The following ELAPOR2 variants were observed in gnomAD, a reference collection of about 807,000 sequenced individuals.
ELAPOR2 encodes endosome-lysosome associated apoptosis and autophagy regulator family member 2.
In ELAPOR2, 89 loss-of-function variants were observed where a neutral mutation model predicts 120.7. The observed-to-expected ratio is 0.74, with a 90% CI of 0.62 to 0.88. The LOEUF is 0.88. ELAPOR2 is among the 40% of genes least tolerant of loss of function. ELAPOR2 has a pLI of 0.00. For synonymous variants in ELAPOR2, 444 were observed against 444.9 expected, an observed-to-expected ratio of 1.00 and a Z score of 0.03; for missense variants, 1,134 against 1,251.6, an observed-to-expected ratio of 0.91 and a Z score of 1.42.
At chr7:87,020,361 G>A (rs1010570759) in intron 1 of ELAPOR2, among the ~76,000 whole-genome samples, 2 of 151,984 alleles carry the variant, frequency 1.3e-5, no homozygotes, top group Non-Finnish European at 1.5e-5. Context: ...CAGCCAAAAG[G>A]TGAAAAGGAC....
chr7:86,890,474 G>T (rs1015892547), intron 21 of ELAPOR2, among the ~76,000 whole-genome samples: 1 of 152,000 alleles, frequency 6.6e-6, no homozygotes, highest in Admixed American at 6.6e-5. Flanking sequence ...TCCCTTTCCT[G>T]TAATGCAACC....
At chr7:86,898,131 T>G (rs1225805314) in intron 18 of ELAPOR2, among the ~76,000 whole-genome samples, 1 of 152,112 alleles carries the variant, frequency 6.6e-6, no homozygotes, top group Non-Finnish European at 1.5e-5. Flanking sequence ...CAAAATGCAG[T>G]ATATCTGTAT....
chr7:86,952,528 C>A (rs1429472025), intron 2 of ELAPOR2, among the ~76,000 whole-genome samples: 1 of 152,198 alleles, frequency 6.6e-6, no homozygotes, highest in African/African-American at 2.4e-5. Context: ...TCATTCCTAT[C>A]CTGAACTGTT....
chr7:87,031,041 G>A (rs1257381608), intron 1 of ELAPOR2, among the ~76,000 whole-genome samples: 7 of 152,042 alleles, frequency 4.6e-5, no homozygotes, highest in Admixed American at 1.3e-4. Context: ...TCACTACCAC[G>A]AGAACAGTAT....
At chr7:86,909,101 G>A (rs1789171675) in intron 16 of ELAPOR2, among the ~76,000 whole-genome samples, 2 of 151,794 alleles carry the variant, frequency 1.3e-5, no homozygotes, top group Admixed American at 1.3e-4. Flanking sequence ...AGCAAACTTT[G>A]CTTCAGAGTT....
At chr7:87,020,763 C>T (rs1794012902) in intron 1 of ELAPOR2, among the ~76,000 whole-genome samples, 1 of 151,760 alleles carries the variant, frequency 6.6e-6, no homozygotes, top group African/African-American at 2.4e-5. Flanking sequence ...TGAATTTAGC[C>T]TTAATAATTT....
At chr7:87,038,685 G>T (rs1158534134) in intron 1 of ELAPOR2, among the ~76,000 whole-genome samples, 1 of 152,174 alleles carries the variant, frequency 6.6e-6, no homozygotes, top group East Asian at 1.9e-4. Context: ...GCTCCTGAAT[G>T]ACCAGTGGGT....
At position 86,942,104 on chromosome 7, in the gene ELAPOR2, T is replaced by A; in HGVS notation, c.655A>T (p.Ile219Phe). 1 of 1,538,028 alleles carries A rather than the reference T, an allele frequency of 6.5e-7. No homozygotes were observed. The change falls in exon 5 of 22, where the codon ATT becomes TTT. Residue 219 changes from isoleucine to phenylalanine, a missense_variant and splice_region_variant. Transcript: ENST00000450689. The stretch of plus-strand genomic sequence containing the variant: ...ATCTCCTGGCACTGATCATTTTGAA[T>A]CTGTGGATTAAACACAAGAGCCCTA... ...VDNNIFFEFFIQNDQCQEMDT... is the reference protein window; with the variant it reads ...VDNNIFFEFFFQNDQCQEMDT...
chr7:86,981,175 G>A (rs1767709), intron 1 of ELAPOR2, among the ~76,000 whole-genome samples: 57,572 of 151,992 alleles, frequency 0.38, 11,755 homozygotes, highest in African/African-American at 0.53. Flanking sequence ...TTCTGTTGTC[G>A]GTTCCCTTAA....
At chr7:87,025,145 T>C (rs1016537251) in intron 1 of ELAPOR2, among the ~76,000 whole-genome samples, 1 of 152,124 alleles carries the variant, frequency 6.6e-6, no homozygotes, top group Non-Finnish European at 1.5e-5. Context: ...TATTTCATGC[T>C]AAATGTCTAA....
chr7:87,016,967 GT>G (rs1377845304), intron 1 of ELAPOR2, among the ~76,000 whole-genome samples: 1 of 151,878 alleles, frequency 6.6e-6, no homozygotes, highest in Non-Finnish European at 1.5e-5. Context: ...TAGAAAACAA[GT>G]CTTTTAGATT....
At chr7:87,028,254 G>T (rs1476322513) in intron 1 of ELAPOR2, among the ~76,000 whole-genome samples, 1 of 151,796 alleles carries the variant, frequency 6.6e-6, no homozygotes, top group Non-Finnish European at 1.5e-5. Flanking sequence ...AGTCAAAATT[G>T]CTTTTTTCAA....
chr7:86,913,051 T>C lies in ELAPOR2; in HGVS notation c.1885A>G (p.Lys629Glu), dbSNP rs550762062. 1 of 1,614,072 alleles carries C rather than the reference T, an allele frequency of 6.2e-7. No individual in the cohort carries two copies. The highest frequency in any genetic ancestry group is 8.5e-7 in the Non-Finnish European group (1 of 1,179,998). Reference sequence around the variant, plus strand: ...CATTCCTTGCACTGGTTGGTTTCTTTCTCAATGTAGTGGCCTGGAGGGCAG... The same window carrying C: ...CATTCCTTGCACTGGTTGGTTTCTTCCTCAATGTAGTGGCCTGGAGGGCAG... ...VPCPPGHYIE[K>E]ETNQCKECPP... Residue 629 changes from lysine to glutamate, a missense_variant, in exon 14 of 22, where the codon AAA becomes GAA. By Grantham distance (56) the Lys-to-Glu change is moderately conservative. Around this residue, in one of 3 missense-constraint regions of ELAPOR2, gnomAD observed 831 missense variants for 867.6 expected, o/e 0.96. Coordinates refer to ENST00000450689, the MANE Select transcript of ELAPOR2 (RefSeq NM_001142749.3).
chr7:86,940,886 C>T (rs1246104987), intron 5 of ELAPOR2, among the ~76,000 whole-genome samples: 1 of 152,042 alleles, frequency 6.6e-6, no homozygotes, highest in Non-Finnish European at 1.5e-5. Flanking sequence ...GCATTAAGCA[C>T]TTTCCCTTGT....
At chr7:86,924,579 A>C (rs1789979729) in intron 10 of ELAPOR2, among the ~76,000 whole-genome samples, 1 of 151,454 alleles carries the variant, frequency 6.6e-6, no homozygotes, top group African/African-American at 2.4e-5. Context: ...CTCTCTGAGG[A>C]TTTTTTAAGT....
At chr7:86,948,021 G>T in intron 2 of ELAPOR2, 99 bp from the exon 3 acceptor site, 1 of 800,110 alleles carries the variant, frequency 1.2e-6, no homozygotes, top group Non-Finnish European at 2.0e-6. Flanking sequence ...CTCTGATTGT[G>T]CCACACTCAA....
chr7:87,040,063 G>T (rs892838476), intron 1 of ELAPOR2, among the ~76,000 whole-genome samples: 6 of 152,148 alleles, frequency 3.9e-5, no homozygotes, highest in African/African-American at 1.4e-4. Flanking sequence ...CTTTTCCGAC[G>T]GGCTTAAAAC....
In ELAPOR2 at chr7:87,035,509, G is replaced by A. The variant is rs114761626; in HGVS notation, c.189+23816C>T. Among the ~76,000 whole-genome samples the A allele has an allele frequency of 1.4e-3, 210 of 152,238 alleles. 1 individual carries two copies. Among genetic ancestry groups the A allele is most frequent in the African/African-American group, 4.9e-3 (202 of 41,544 alleles). On this transcript the variant is annotated intron_variant, in intron 1 of 21. Transcript: ENST00000450689. ...CATGGCCCCCTCAAGTCTACTCTAA[G>A]CTAAACAACCCCATTTCCTTTGGTT...
intron 8 of ELAPOR2, among the ~76,000 whole-genome samples, 168 bp downstream of exon 8, chr7:86,937,958 T>C (rs1790635902): frequency 6.6e-6 from 1 of 152,096 alleles, no homozygotes; most frequent in African/African-American, 2.4e-5. Flanking sequence ...ATGGTATATG[T>C]GAAATTCAAA....
Sources: gnomAD v4.1 joint callset for allele counts (sites outside exome capture counted in the v4.1 genomes callset) on GRCh38, gnomAD v4.1.1 for gene constraint, gnomAD v4.1.1 regional missense constraint, MANE v1.5 for transcripts, NCBI Gene and HGNC (gene_info 2026-07-23, HGNC 2026-07-21) for gene names.